The following EHMT1 variants were observed in gnomAD, a reference collection of about 807,000 sequenced individuals.
The protein encoded by EHMT1 is euchromatic histone lysine methyltransferase 1, also known as histone-lysine N-methyltransferase EHMT1.
Under a neutral mutation model 147.2 loss-of-function variants are expected in EHMT1, and 15 were observed. The observed-to-expected ratio is 0.10, with a 90% CI of 0.07 to 0.16. The LOEUF is 0.16. Ranked by LOEUF, EHMT1 falls within the 10% of genes least tolerant of loss-of-function variation. EHMT1 has a pLI of 1.00. For synonymous variants in EHMT1, 795 were observed against 709.6 expected (o/e 1.12, Z -1.91); for missense variants, 1,587 against 1,772.4 (o/e 0.90, Z 1.88).
rs765084477 is a variant in EHMT1, at chr9:137,777,876, C to T, written c.2019-6C>T. On this transcript the variant is annotated splice_polypyrimidine_tract_variant and splice_region_variant and intron_variant, in intron 12 of 26. Transcript: ENST00000460843. Reference sequence around the variant, plus strand: ...ATAAACCTTTCCCCGATTTCCTCCCCTGAAGTGCTGCCGGGCCACCACTCT... The same window carrying T: ...ATAAACCTTTCCCCGATTTCCTCCCTTGAAGTGCTGCCGGGCCACCACTCT... 12 of 1,612,880 alleles carry T rather than the reference C, an allele frequency of 7.4e-6. No homozygotes were observed. Among genetic ancestry groups the T allele is most frequent in the Admixed American group, 1.7e-5 (1 of 60,010 alleles).
In EHMT1 at chr9:137,776,907, A is replaced by C; in HGVS notation, c.2018+63A>C. Reference sequence around the variant, plus strand: ...CCACCTGAAAAAGTTTCAGTTGTTAACTCAACGTTATTGCTTCCTGCTGTT... The same window carrying C: ...CCACCTGAAAAAGTTTCAGTTGTTACCTCAACGTTATTGCTTCCTGCTGTT... On this transcript the variant is annotated intron_variant, in intron 12 of 26. Transcript: ENST00000460843. This position sits in a 1 kb window ranked among gnomAD's most constrained non-coding sequence, Gnocchi z 4.4. 1 of 1,492,276 alleles carries C rather than the reference A, an allele frequency of 6.7e-7. No homozygotes were observed. The highest frequency in any genetic ancestry group is 1.2e-5 in the South Asian group (1 of 85,892). The allele number at this position is 1,492,276 out of a possible 1,614,324, so 92.4% of individuals were successfully genotyped here.
At chr9:137,635,155 A>G (rs897431078) in intron 1 of EHMT1, among the ~76,000 whole-genome samples, 4 of 151,802 alleles carry the variant, frequency 2.6e-5, no homozygotes, top group Non-Finnish European at 4.4e-5. Flanking sequence ...AAGTCTTCCA[A>G]TTGGGGAACA....
At chr9:137,658,739 A>G (rs1938753600) in intron 1 of EHMT1, among the ~76,000 whole-genome samples, 1 of 151,864 alleles carries the variant, frequency 6.6e-6, no homozygotes, top group African/African-American at 2.4e-5. Flanking sequence ...CACCCTCCTG[A>G]GTAGCTGGGC....
In EHMT1 at chr9:137,732,954, G is replaced by T. The variant is rs1313876562; in HGVS notation, c.823+4425G>T. Among the ~76,000 whole-genome samples the T allele has an allele frequency of 6.6e-6, 1 of 152,140 alleles. No homozygotes were observed. The highest frequency in any genetic ancestry group is 1.9e-4 in the East Asian group (1 of 5,192). On this transcript the variant is annotated intron_variant, in intron 4 of 26. Coordinates refer to ENST00000460843, the MANE Select transcript of EHMT1 (RefSeq NM_024757.5). The surrounding 1 kb of genome is among the most constrained non-coding windows in gnomAD (Gnocchi z 4.6). ...TCTTTCCCTCCTGCTACCCCCTTAA[G>T]TTTACCACAGGCAGGAAAGAAGAGC...
chr9:137,686,994 G>T (rs1942508943), intron 1 of EHMT1, among the ~76,000 whole-genome samples: 1 of 152,154 alleles, frequency 6.6e-6, no homozygotes, highest in Non-Finnish European at 1.5e-5. Flanking sequence ...CTCCCAAAGT[G>T]CTGGAATTAC....
Position 137,813,640 on chromosome 9 carries a change from G to C in EHMT1, c.3180+110G>C, listed in dbSNP as rs1954675194. 7 of 1,484,046 alleles carry C rather than the reference G, an allele frequency of 4.7e-6. No individual in the cohort carries two copies. The highest frequency in any genetic ancestry group is 6.4e-6 in the Non-Finnish European group (7 of 1,089,328). 91.9% of individuals were successfully genotyped at this position (1,484,046 alleles called of 1,614,324 possible). A position where few individuals can be genotyped will look rare whatever the true frequency, so the allele number is the denominator to read the frequency against. On this transcript the variant is annotated intron_variant, in intron 21 of 26. Transcript: ENST00000460843. This position sits in a 1 kb window ranked among gnomAD's most constrained non-coding sequence, Gnocchi z 4.9. ...CCACTCAGAGCAGGAGGGCTTATGG[G>C]GGGCTTCCCAGGAAGACCTCATTCT...
chr9:137,756,783 T>C (rs888550299), intron 8 of EHMT1, among the ~76,000 whole-genome samples: 1 of 152,264 alleles, frequency 6.6e-6, no homozygotes, highest in African/African-American at 2.4e-5. Flanking sequence ...GTTTGAATTT[T>C]ATTTCTTTAT....
chr9:137,749,829 T>C (rs1948832682), intron 6 of EHMT1, among the ~76,000 whole-genome samples: 1 of 152,240 alleles, frequency 6.6e-6, no homozygotes, highest in Non-Finnish European at 1.5e-5. Flanking sequence ...TTGTCTTGTT[T>C]TTAAAATAAG....
At position 137,776,522 on chromosome 9, in the gene EHMT1, C is replaced by A; in HGVS notation, c.1792-96C>A. Reference sequence around the variant, plus strand: ...ACCCATGGCTCACTCTGCAGACCGCCCGATGTGGGATGCGGTGCCAGTTTA... The same window carrying A: ...ACCCATGGCTCACTCTGCAGACCGCACGATGTGGGATGCGGTGCCAGTTTA... On this transcript the variant is annotated intron_variant, in intron 11 of 26. Coordinates refer to ENST00000460843, the MANE Select transcript of EHMT1 (RefSeq NM_024757.5). This position sits in a 1 kb window ranked among gnomAD's most constrained non-coding sequence, Gnocchi z 4.4. 7.8e-7 allele frequency: 1 copy of A among 1,281,980 alleles called. No homozygotes were observed. The highest frequency in any genetic ancestry group is 1.1e-6 in the Non-Finnish European group (1 of 904,420). The allele number at this position is 1,281,980 out of a possible 1,614,324, so 79.4% of individuals were successfully genotyped here. A position where few individuals can be genotyped will look rare whatever the true frequency, so the allele number is the denominator to read the frequency against.
chr9:137,731,225 A>G lies in EHMT1; in HGVS notation c.823+2696A>G, dbSNP rs929440200. On this transcript the variant is annotated intron_variant, in intron 4 of 26. Transcript: ENST00000460843. The surrounding 1 kb of genome is among the most constrained non-coding windows in gnomAD (Gnocchi z 4.3). The stretch of plus-strand genomic sequence containing the variant: ...GCGTGTTAGCCTAGGACAGTGTGTA[A>G]AATGGCCTTGAGCACTGGAGGAGAT... 6.6e-6 allele frequency among the ~76,000 whole-genome samples: 1 copy of G among 152,182 alleles called. No homozygotes were observed. The highest frequency in any genetic ancestry group is 2.4e-5 in the African/African-American group (1 of 41,450).
intron 10 of EHMT1, among the ~76,000 whole-genome samples, chr9:137,768,551 T>A (rs1950387974): frequency 1.0e-5 from 1 of 95,560 alleles, no homozygotes; most frequent in Non-Finnish European, 2.1e-5. Context: ...TTTTTTTTTT[T>A]TTTTTTTTTT....
intron 22 of EHMT1, chr9:137,815,371 C>A: frequency 5.4e-6 from 1 of 186,094 alleles, no homozygotes; most frequent in Admixed American, 5.3e-5. Flanking sequence ...CTGAGGAGCG[C>A]CCTAATTGTT....
chr9:137,799,721 G>A (rs901186673), intron 17 of EHMT1, among the ~76,000 whole-genome samples: 1 of 152,240 alleles, frequency 6.6e-6, no homozygotes, highest in East Asian at 1.9e-4. Context: ...TGCCCACCCA[G>A]TTGTTGACGC....
chr9:137,718,777 A>G (rs553164581), intron 3 of EHMT1, among the ~76,000 whole-genome samples: 1 of 135,982 alleles, frequency 7.4e-6, no homozygotes, highest in Admixed American at 7.6e-5. Flanking sequence ...TTTTTTTGAG[A>G]CGGAGTCTTG....
In EHMT1 at chr9:137,694,116, C is replaced by A. The variant is rs186255393; in HGVS notation, c.22-16851C>A. Among the ~76,000 whole-genome samples, 304 of 93,438 alleles carry A rather than the reference C, an allele frequency of 3.3e-3. 6 individuals are homozygous for A. The highest frequency in any genetic ancestry group is 0.013 in the African/African-American group (282 of 21,568). 61.3% of individuals were successfully genotyped at this position (93,438 alleles called of 152,430 possible). ...CAGTGGCTCAGGACGCTGGCCGATA[C>A]CCCCACACAGTGGCGCAGGACGCTG... On this transcript the variant is annotated intron_variant, in intron 1 of 26. Transcript: ENST00000460843.
At chr9:137,718,775 A>G (rs1287707218) in intron 3 of EHMT1, among the ~76,000 whole-genome samples, 5 of 123,260 alleles carry the variant, frequency 4.1e-5, no homozygotes, top group African/African-American at 1.9e-4. Flanking sequence ...TTTTTTTTTG[A>G]GACGGAGTCT....
chr9:137,815,168 G>C (rs1285000699), intron 22 of EHMT1, among the ~76,000 whole-genome samples: 1 of 152,150 alleles, frequency 6.6e-6, no homozygotes, highest in Non-Finnish European at 1.5e-5. Flanking sequence ...CGTCCCCTCT[G>C]GAAGCAGACT....
intron 1 of EHMT1, among the ~76,000 whole-genome samples, chr9:137,642,511 C>T (rs1301323723): frequency 6.6e-6 from 1 of 152,110 alleles, no homozygotes; most frequent in Non-Finnish European, 1.5e-5. Context: ...TAGTGTATAC[C>T]ATTTTAATTC....
intron 1 of EHMT1, among the ~76,000 whole-genome samples, chr9:137,631,618 G>A (rs957112831): frequency 2.6e-5 from 4 of 152,144 alleles, no homozygotes; most frequent in Non-Finnish European, 4.4e-5. Flanking sequence ...GCTCACACCT[G>A]TAATCCCAGC....
Sources: gnomAD v4.1 joint callset for allele counts (sites outside exome capture counted in the v4.1 genomes callset) on GRCh38, gnomAD v4.1.1 for gene constraint, Gnocchi (gnomAD v3.1) non-coding constraint, MANE v1.5 for transcripts, NCBI Gene and HGNC (gene_info 2026-07-23, HGNC 2026-07-21) for gene names.